Variants in NADK observed in about 807,000 individuals in gnomAD.
NADK encodes the protein NAD kinase.
In NADK, 22 loss-of-function variants were observed where a neutral mutation model predicts 49.8. The observed-to-expected ratio is 0.44, with a 90% CI of 0.32 to 0.63. The LOEUF is 0.63. NADK is among the 30% of genes least tolerant of loss of function. NADK has a pLI of 0.06. For missense variants in NADK, 438 were observed against 609.4 expected, an observed-to-expected ratio of 0.72 and a Z score of 2.96; for synonymous variants, 268 against 253.7, an observed-to-expected ratio of 1.06 and a Z score of -0.54.
intron 6 of NADK, 29 bp from the exon 7 acceptor site, chr1:1,755,505 G>A (rs778785096): frequency 2.6e-6 from 4 of 1,555,620 alleles, no homozygotes; most frequent in Non-Finnish European, 3.5e-6. Context: ...GTCACTCAGT[G>A]CCCACGCCGT....
chr1:1,767,862 T>C (rs1450301383), intron 1 of NADK, among the ~76,000 whole-genome samples: 1 of 151,866 alleles, frequency 6.6e-6, no homozygotes, highest in Non-Finnish European at 1.5e-5. Context: ...TGTGGCTGAA[T>C]ATGGAGGTGG....
intron 1 of NADK, among the ~76,000 whole-genome samples, chr1:1,768,246 A>G (rs1645945003): frequency 6.6e-6 from 1 of 151,748 alleles, no homozygotes; most frequent in South Asian, 2.1e-4. Flanking sequence ...CCTTGTAAGA[A>G]GAGACACCAG....
intron 11 of NADK, among the ~76,000 whole-genome samples, chr1:1,753,336 G>T (rs1043009218): frequency 1.3e-4 from 20 of 152,152 alleles, no homozygotes; most frequent in African/African-American, 4.8e-4. Context: ...AGCAGTGCCA[G>T]GGGGGACACC....
chr1:1,758,681 A>C, intron 3 of NADK: 1 of 1,299,632 alleles, frequency 7.7e-7, no homozygotes, highest in South Asian at 1.8e-5. Context: ...AAATCAAACA[A>C]AACAAAACAG....
intron 1 of NADK, among the ~76,000 whole-genome samples, chr1:1,768,988 A>T (rs763365605): frequency 3.3e-5 from 5 of 152,182 alleles, no homozygotes; most frequent in Non-Finnish European, 5.9e-5. Context: ...ACCAATTCCT[A>T]CGTGCCCTCC....
rs1308221120 is a variant in NADK at position 1,778,030 on chromosome 1, C to CA, written c.-41+258dup. 6.6e-6 allele frequency among the ~76,000 whole-genome samples: 1 copy of CA among 152,192 alleles called. No individual in the cohort carries two copies. The highest frequency in any genetic ancestry group is 2.4e-5 in the African/African-American group (1 of 41,450). On this transcript the variant is annotated intron_variant, in intron 1 of 11. Coordinates refer to ENST00000341426, the MANE Select transcript of NADK (RefSeq NM_023018.5). The surrounding 1 kb of genome is among the most constrained non-coding windows in gnomAD (Gnocchi z 4.9). Reference sequence around the variant, plus strand: ...AAGCGCGGTCCGGGCTGGACGGCCCCACCTTCCCCGCCCGGGAGAGCCAGG... The same window carrying CA: ...AAGCGCGGTCCGGGCTGGACGGCCCCAACCTTCCCCGCCCGGGAGAGCCAGG...
intron 1 of NADK, among the ~76,000 whole-genome samples, chr1:1,766,394 G>A (rs535809662): frequency 1.2e-4 from 3 of 25,578 alleles, no homozygotes; most frequent in Non-Finnish European, 2.7e-4. Flanking sequence ...CAACAAGAAC[G>A]AAAGAAACTC....
intron 3 of NADK, 128 bp from the exon 4 acceptor site, chr1:1,757,438 TGGCCACG>T (rs1553184098): frequency 1.2e-6 from 1 of 811,480 alleles, no homozygotes; most frequent in Non-Finnish European, 1.9e-6. Flanking sequence ...ACGTGCTCGG[TGGCCACG>T]GGCTCACAGG....
intron 3 of NADK, among the ~76,000 whole-genome samples, chr1:1,760,496 C>T (rs940293405): frequency 6.6e-6 from 1 of 152,248 alleles, no homozygotes; most frequent in Non-Finnish European, 1.5e-5. Context: ...TGTGCGCCCC[C>T]AGCCTCCATG....
chr1:1,760,258 G>A (rs985973411), intron 3 of NADK, among the ~76,000 whole-genome samples: 2 of 152,206 alleles, frequency 1.3e-5, no homozygotes, highest in African/African-American at 4.8e-5. Flanking sequence ...CAGACACTCC[G>A]GGAACCAGTG....
intron 1 of NADK, among the ~76,000 whole-genome samples, chr1:1,769,737 GA>G (rs78133566): frequency 0.29 from 36,029 of 123,134 alleles, 4,498 homozygotes; most frequent in African/African-American, 0.32. Flanking sequence ...CAAATGAAAA[GA>G]AAAAAAAAAA....
chr1:1,757,148 A>ACAC, intron 4 of NADK, 33 bp downstream of exon 4: 1 of 859,202 alleles, frequency 1.2e-6, no homozygotes. Flanking sequence ...CTCCATGTGC[A>ACAC]CCCCAGGCCC....
At chr1:1,771,039 T>A (rs1392572363) in intron 1 of NADK, among the ~76,000 whole-genome samples, 1 of 61,196 alleles carries the variant, frequency 1.6e-5, no homozygotes, top group African/African-American at 4.9e-5. Context: ...AGATTTCATC[T>A]TATAAAAAAA....
chr1:1,770,363 T>C (rs570476028), intron 1 of NADK, among the ~76,000 whole-genome samples: 1 of 152,220 alleles, frequency 6.6e-6, no homozygotes, highest in African/African-American at 2.4e-5. Context: ...TGTAGGTCTG[T>C]TAAACAAAAT....
chr1:1,753,493 C>G, intron 11 of NADK, 74 bp downstream of exon 11: 1 of 1,326,424 alleles, frequency 7.5e-7, no homozygotes. Flanking sequence ...ACAGGCCAAC[C>G]GCAAGAGGGC....
intron 2 of NADK, among the ~76,000 whole-genome samples, chr1:1,763,119 AG>A (rs1645778507): frequency 6.6e-6 from 1 of 152,244 alleles, no homozygotes; most frequent in Non-Finnish European, 1.5e-5. Context: ...TGGTGCCCTG[AG>A]GGCTGCTCCA....
intron 1 of NADK, among the ~76,000 whole-genome samples, chr1:1,769,376 G>A (rs1383691934): frequency 1.3e-5 from 2 of 152,102 alleles, no homozygotes; most frequent in Non-Finnish European, 2.9e-5. Flanking sequence ...GCGAAACCCC[G>A]TCTCTACTAA....
chr1:1,772,002 TCTCC>T (rs528148915), intron 1 of NADK, among the ~76,000 whole-genome samples: 27 of 146,302 alleles, frequency 1.8e-4, no homozygotes, highest in African/African-American at 6.5e-4. Context: ...GGAGATGGGG[TCTCC>T]CTATGTTGCA....
intron 1 of NADK, among the ~76,000 whole-genome samples, chr1:1,773,827 A>G (rs976537925): frequency 2.0e-5 from 3 of 151,948 alleles, no homozygotes; most frequent in Non-Finnish European, 4.4e-5. Context: ...AGCTTACTGC[A>G]GCCTCAATCT....
Sources: allele counts gnomAD v4.1 joint callset (sites outside exome capture counted in the v4.1 genomes callset), GRCh38; gene constraint gnomAD v4.1.1; non-coding constraint Gnocchi (gnomAD v3.1); transcripts MANE v1.5; gene names NCBI Gene and HGNC (gene_info 2026-07-23, HGNC 2026-07-21).